Variants in B3GNT2 observed in about 807,000 individuals in gnomAD.
The protein encoded by B3GNT2 is UDP-GlcNAc:betaGal beta-1,3-N-acetylglucosaminyltransferase 2.
In B3GNT2, 12 loss-of-function variants were observed where a neutral mutation model predicts 27.6. The observed-to-expected ratio is 0.44, with a 90% CI of 0.28 to 0.71. B3GNT2 has a LOEUF of 0.71. Among genes scored for constraint, B3GNT2 ranks in the 30% least tolerant of loss-of-function variants. The probability of loss-of-function intolerance (pLI) is 0.17; values close to 1 mark genes in which losing one functional copy is unlikely to be tolerated. For synonymous variants in B3GNT2, 192 were observed against 189.7 expected, an observed-to-expected ratio of 1.01 and a Z score of -0.10; for missense variants, 413 against 488.5, an observed-to-expected ratio of 0.85 and a Z score of 1.46.
At chr2:62,199,391 T>A (rs1674218757) in intron 1 of B3GNT2, among the ~76,000 whole-genome samples, 1 of 152,228 alleles carries the variant, frequency 6.6e-6, no homozygotes, top group Non-Finnish European at 1.5e-5. Flanking sequence ...ACTGTATTTT[T>A]CTGTATTTTT....
intron 1 of B3GNT2, among the ~76,000 whole-genome samples, chr2:62,221,192 G>T (rs1189186746): frequency 6.6e-6 from 1 of 152,248 alleles, no homozygotes; most frequent in East Asian, 1.9e-4. Flanking sequence ...GAAAATTTGG[G>T]TCTGGCCTTC....
At chr2:62,207,136 C>T (rs1186502531) in intron 1 of B3GNT2, among the ~76,000 whole-genome samples, 2 of 151,310 alleles carry the variant, frequency 1.3e-5, no homozygotes, top group East Asian at 1.9e-4. Flanking sequence ...CAAATGTAAA[C>T]GTTTATCTTG....
At chr2:62,219,529 C>T (rs1475110567) in intron 1 of B3GNT2, among the ~76,000 whole-genome samples, 1 of 152,164 alleles carries the variant, frequency 6.6e-6, no homozygotes, top group Admixed American at 6.5e-5. Flanking sequence ...CCCACCTCGG[C>T]CTACCAAAGC....
intron 1 of B3GNT2, chr2:62,221,769 G>A (rs1326552230): frequency 6.0e-6 from 3 of 499,884 alleles, no homozygotes; most frequent in South Asian, 1.5e-5. Flanking sequence ...ACTAAACACA[G>A]TATAAAAATG....
rs554070714 is a variant in B3GNT2 at position 62,210,725 on chromosome 2, G to A, written c.-9-11487G>A. Among the ~76,000 whole-genome samples the A allele has an allele frequency of 8.6e-5, 13 of 151,560 alleles. No homozygotes were observed. In the South Asian group the frequency reaches 2.3e-3, roughly 27 times the overall value. ...GCAGGGGTTGCAGTGAGCCGAGATC[G>A]CACCACTGACTCCAGCCTGGATGAC... On this transcript the variant is annotated intron_variant, in intron 1 of 1. Transcript: ENST00000301998.
chr2:62,202,396 A>G (rs1178726871), intron 1 of B3GNT2, among the ~76,000 whole-genome samples: 1 of 152,176 alleles, frequency 6.6e-6, no homozygotes, highest in African/African-American at 2.4e-5. Context: ...AGAAAGGCTC[A>G]TAGAGGTCTT....
At chr2:62,202,205 G>A (rs914244248) in intron 1 of B3GNT2, among the ~76,000 whole-genome samples, 1 of 152,238 alleles carries the variant, frequency 6.6e-6, no homozygotes, top group African/African-American at 2.4e-5. Flanking sequence ...AGACAGCCAG[G>A]AACTGGTAAG....
chr2:62,204,781 C>T (rs1292626661), intron 1 of B3GNT2, among the ~76,000 whole-genome samples: 1 of 152,064 alleles, frequency 6.6e-6, no homozygotes, highest in Non-Finnish European at 1.5e-5. Flanking sequence ...AACTTTTATT[C>T]TTCAAAGTTC....
chr2:62,218,679 C>G (rs2104209041), intron 1 of B3GNT2, among the ~76,000 whole-genome samples: 1 of 152,296 alleles, frequency 6.6e-6, no homozygotes, highest in Middle Eastern at 3.4e-3. Flanking sequence ...CTTGTCTAAG[C>G]CTTGTCACGT....
chr2:62,218,202 G>T (rs1674613255), intron 1 of B3GNT2, among the ~76,000 whole-genome samples: 1 of 152,138 alleles, frequency 6.6e-6, no homozygotes, highest in South Asian at 2.1e-4. Flanking sequence ...TTTTTATGGG[G>T]GTCACTGCTT....
rs917658363 is a variant in B3GNT2, at chr2:62,222,036, T to C, written c.-9-176T>C. Among the ~76,000 whole-genome samples, 3 of 152,168 alleles carry C rather than the reference T, an allele frequency of 2.0e-5. No individual in the cohort carries two copies. The highest frequency in any genetic ancestry group is 7.2e-5 in the African/African-American group (3 of 41,450). The stretch of plus-strand genomic sequence containing the variant: ...TATGGAGAAGTTGAGACAGGGACTA[T>C]CCCACTTGCCCATGATCACAAAGCT... On this transcript the variant is annotated intron_variant, in intron 1 of 1. Transcript: ENST00000301998. The surrounding 1 kb of genome is among the most constrained non-coding windows in gnomAD (Gnocchi z 4.2).
intron 1 of B3GNT2, among the ~76,000 whole-genome samples, chr2:62,221,549 A>G (rs373822164): frequency 5.3e-5 from 8 of 152,300 alleles, no homozygotes; most frequent in East Asian, 3.9e-4. Flanking sequence ...AGACATGCCT[A>G]TAATCCCAGC....
chr2:62,199,333 G>T (rs189380015), intron 1 of B3GNT2, among the ~76,000 whole-genome samples: 1 of 152,316 alleles, frequency 6.6e-6, no homozygotes, highest in East Asian at 1.9e-4. Flanking sequence ...GACATACTGG[G>T]TCAGTGCTTT....
At chr2:62,203,481 G>C (rs139508781) in intron 1 of B3GNT2, among the ~76,000 whole-genome samples, 10 of 152,154 alleles carry the variant, frequency 6.6e-5, no homozygotes, top group African/African-American at 2.4e-4. Context: ...GGGCCAAGGA[G>C]CAAAGGCTGC....
At chr2:62,207,695 G>A (rs1558633002) in intron 1 of B3GNT2, among the ~76,000 whole-genome samples, 1 of 152,100 alleles carries the variant, frequency 6.6e-6, no homozygotes, top group Non-Finnish European at 1.5e-5. Context: ...CAAAGGGTTC[G>A]CCCTCCTGTG....
rs1016155740 is a variant in B3GNT2, at chr2:62,224,184, C to A, written c.*770C>A. On this transcript the variant is annotated 3_prime_UTR_variant, in exon 2 of 2. Coordinates refer to ENST00000301998, the MANE Select transcript of B3GNT2 (RefSeq NM_006577.6). The stretch of plus-strand genomic sequence containing the variant: ...TGAAGATTGAATTGCCGCTAACAAC[C>A]ATATCGTGTTAGTGAATTTTCAATA... 1 of 166,958 alleles carries A rather than the reference C, an allele frequency of 6.0e-6. No homozygotes were observed. The highest frequency in any genetic ancestry group is 1.5e-5 in the Non-Finnish European group (1 of 68,114). The allele number at this position is 166,958 out of a possible 1,614,324, so 10.3% of individuals were successfully genotyped here.
intron 1 of B3GNT2, among the ~76,000 whole-genome samples, chr2:62,204,495 A>G (rs931746810): frequency 6.6e-6 from 1 of 152,206 alleles, no homozygotes; most frequent in Non-Finnish European, 1.5e-5. Flanking sequence ...ATTCAAATAT[A>G]TTTGTCTAAT....
rs1159833205 is a variant in B3GNT2, at chr2:62,196,125, G to A, written c.-240G>A. On this transcript the variant is annotated 5_prime_UTR_variant, in exon 1 of 2. Coordinates refer to ENST00000301998, the MANE Select transcript of B3GNT2 (RefSeq NM_006577.6). Reference sequence around the variant, plus strand: ...TGCGCCTGGAACCGGAGCCTGGAGTGAGGCGCAGCGGCAGCGGCAGCAGCG... The same window carrying A: ...TGCGCCTGGAACCGGAGCCTGGAGTAAGGCGCAGCGGCAGCGGCAGCAGCG... 1 of 151,672 alleles carries A rather than the reference G, an allele frequency of 6.6e-6. No homozygotes were observed. Among genetic ancestry groups the A allele is most frequent in the African/African-American group, 2.4e-5 (1 of 41,260 alleles). 9.4% of individuals were successfully genotyped at this position (151,672 alleles called of 1,614,324 possible).
chr2:62,220,298 C>G (rs1674664817), intron 1 of B3GNT2, among the ~76,000 whole-genome samples: 1 of 152,190 alleles, frequency 6.6e-6, no homozygotes, highest in Non-Finnish European at 1.5e-5. Flanking sequence ...ATGGAGTCAG[C>G]CATGCTAGAT....
Sources: allele counts gnomAD v4.1 joint callset (sites outside exome capture counted in the v4.1 genomes callset), GRCh38; gene constraint gnomAD v4.1.1; non-coding constraint Gnocchi (gnomAD v3.1); transcripts MANE v1.5; gene names NCBI Gene and HGNC (gene_info 2026-07-23, HGNC 2026-07-21).